Variants in FUCA2 observed in about 807,000 individuals in gnomAD.
FUCA2 encodes alpha-L-fucosidase 2, also known as plasma alpha-L-fucosidase.
A neutral mutation model predicts 52.6 loss-of-function variants in FUCA2; 41 were observed. That is an observed-to-expected ratio of 0.78 (90% CI 0.61 to 1.01). The LOEUF (loss-of-function observed/expected upper bound fraction) is 1.01. Among genes scored for constraint, FUCA2 ranks in the 50% least tolerant of loss-of-function variants. The pLI is 0.00. For synonymous variants in FUCA2, 211 were observed against 217.3 expected (o/e 0.97, Z 0.26); for missense variants, 507 against 569.5 (o/e 0.89, Z 1.12).
In FUCA2 at chr6:143,509,709, A is replaced by C. The variant is rs1361617357; in HGVS notation, c.224+1702T>G. Among the ~76,000 whole-genome samples the C allele has an allele frequency of 2.0e-5, 3 of 152,220 alleles. No homozygotes were observed. Among genetic ancestry groups the C allele is most frequent in the Non-Finnish European group, 4.4e-5 (3 of 68,040 alleles). ...CAAAACATGCAAATAAAGATTTGTA[A>C]CATCTTTTTGAAGTAGCTATGTTTT... On this transcript the variant is annotated intron_variant, in intron 1 of 6. Transcript: ENST00000002165. The surrounding 1 kb of genome is among the most constrained non-coding windows in gnomAD (Gnocchi z 5.4).
intron 2 of FUCA2, chr6:143,506,213 T>G (rs969132618): frequency 9.4e-6 from 1 of 106,882 alleles, no homozygotes. Context: ...TTTTTTTTTT[T>G]GAGACAGGAT....
rs1372758737 is a variant in FUCA2 at position 143,501,831 on chromosome 6, ATTCATCCAATTTCTC to A, written c.1154+86_1154+100del. The stretch of plus-strand genomic sequence containing the variant: ...TGGAAAGTGCTTTGTATATGTAGGA[ATTCATCCAATTTCTC>A]TTTTTATCCTACTCTTCTTTATATG... On this transcript the variant is annotated intron_variant, in intron 5 of 6. Coordinates refer to ENST00000002165, the MANE Select transcript of FUCA2 (RefSeq NM_032020.5). The surrounding 1 kb of genome is among the most constrained non-coding windows in gnomAD (Gnocchi z 6.1). 6 of 1,034,230 alleles carry A rather than the reference ATTCATCCAATTTCTC, an allele frequency of 5.8e-6. No individual in the cohort carries two copies. In the Admixed American group the frequency reaches 1.5e-4, roughly 25 times the overall value. 64.1% of individuals were successfully genotyped at this position (1,034,230 alleles called of 1,614,324 possible).
At chr6:143,508,697 C>G (rs1166655730) in intron 1 of FUCA2, among the ~76,000 whole-genome samples, 1 of 152,182 alleles carries the variant, frequency 6.6e-6, no homozygotes, top group African/African-American at 2.4e-5. Flanking sequence ...GTTATGGTGC[C>G]TGGCTGCCAT....
In FUCA2 at chr6:143,510,849, C is replaced by G. The variant is rs752836622; in HGVS notation, c.224+562G>C. On this transcript the variant is annotated intron_variant, in intron 1 of 6. Coordinates refer to ENST00000002165, the MANE Select transcript of FUCA2 (RefSeq NM_032020.5). The surrounding 1 kb of genome is among the most constrained non-coding windows in gnomAD (Gnocchi z 4.4). ...CACCTTTCATACGGCAGTATGATAA[C>G]TGGGTTGTGTTAAGAGTACCATTCT... is the stretch of plus-strand genomic sequence containing the variant. Among the ~76,000 whole-genome samples, 42 of 152,158 alleles carry G rather than the reference C, an allele frequency of 2.8e-4. No homozygotes were observed. Among genetic ancestry groups the G allele is most frequent in the Non-Finnish European group, 5.3e-4 (36 of 68,016 alleles).
rs1235047563 is a variant in FUCA2 at position 143,497,165 on chromosome 6, T to C, written c.1263+224A>G. 2.1e-6 allele frequency: 1 copy of C among 467,274 alleles called. No individual in the cohort carries two copies. The highest frequency in any genetic ancestry group is 3.5e-5 in the Admixed American group (1 of 28,498). The allele number at this position is 467,274 out of a possible 1,614,324, so 28.9% of individuals were successfully genotyped here. A position where few individuals can be genotyped will look rare whatever the true frequency, so the allele number is the denominator to read the frequency against. Reference sequence around the variant, plus strand: ...TTTTGTAGACAGGGGTCTTGCTATGTTGCCCAGGCTAGTCTCAAACTTCTG... The same window carrying C: ...TTTTGTAGACAGGGGTCTTGCTATGCTGCCCAGGCTAGTCTCAAACTTCTG... On this transcript the variant is annotated intron_variant, in intron 6 of 6. Transcript: ENST00000002165. The surrounding 1 kb of genome is among the most constrained non-coding windows in gnomAD (Gnocchi z 5.3).
rs1780618308 is a variant in FUCA2 at position 143,507,116 on chromosome 6, A to G, written c.412+121T>C. 1.2e-6 allele frequency: 1 copy of G among 833,032 alleles called. No individual in the cohort carries two copies. Among genetic ancestry groups the G allele is most frequent in the African/African-American group, 1.8e-5 (1 of 56,566 alleles). 51.6% of individuals were successfully genotyped at this position (833,032 alleles called of 1,614,324 possible). A position where few individuals can be genotyped will look rare whatever the true frequency, so the allele number is the denominator to read the frequency against. On this transcript the variant is annotated intron_variant, in intron 2 of 6. Transcript: ENST00000002165. The surrounding 1 kb of genome is among the most constrained non-coding windows in gnomAD (Gnocchi z 4.5). The stretch of plus-strand genomic sequence containing the variant: ...AGTCCCTAAGTCATAAGCAAGTGCC[A>G]GTCACCACTTATGGTTGCTCCGAAG...
In FUCA2 at chr6:143,499,532, G is replaced by T. The variant is rs1780504796; in HGVS notation, c.1155-2035C>A. On this transcript the variant is annotated intron_variant, in intron 5 of 6. Coordinates refer to ENST00000002165, the MANE Select transcript of FUCA2 (RefSeq NM_032020.5). This position sits in a 1 kb window ranked among gnomAD's most constrained non-coding sequence, Gnocchi z 6.0. The stretch of plus-strand genomic sequence containing the variant: ...GATCGCACCAGTGCACTCAAAAAAA[G>T]ATAGAGAAGAATGGAAGTCCAAAGA... Among the ~76,000 whole-genome samples, 1 of 152,140 alleles carries T rather than the reference G, an allele frequency of 6.6e-6. No individual in the cohort carries two copies. Among genetic ancestry groups the T allele is most frequent in the Admixed American group, 6.6e-5 (1 of 15,266 alleles).
Position 143,502,524 on chromosome 6 carries a change from G to T in FUCA2, c.794C>A (p.Ala265Asp). Reference protein sequence around the residue: ...GTVVTNDRWGAGSICKHGGFY... With the variant: ...GTVVTNDRWGDGSICKHGGFY... ...GCCACCATGCTTACAGATGCTACCAGCTCCCCAACGATCATTGGTGACTAC... is the reference window on the plus strand; with the variant it reads ...GCCACCATGCTTACAGATGCTACCATCTCCCCAACGATCATTGGTGACTAC... The change falls in exon 4 of 7, where the codon GCT becomes GAT. Residue 265 changes from alanine (A) to aspartate (D), a missense_variant. By Grantham distance (126) the Ala-to-Asp change is moderately radical. Coordinates refer to ENST00000002165, the MANE Select transcript of FUCA2 (RefSeq NM_032020.5). The surrounding 1 kb of genome is among the most constrained non-coding windows in gnomAD (Gnocchi z 4.1). The T allele has an allele frequency of 1.2e-6, 2 of 1,614,094 alleles. No homozygotes were observed. Among genetic ancestry groups the T allele is most frequent in the Non-Finnish European group, 1.7e-6 (2 of 1,179,958 alleles).
At position 143,511,409 on chromosome 6, in the gene FUCA2, A is replaced by C; in HGVS notation, c.224+2T>G. Reference sequence around the variant, plus strand: ...AGACGAGACAAAAGGGAGCGCACTCACCAGAACCACTCGCTACCGAAGCTG... The same window carrying C: ...AGACGAGACAAAAGGGAGCGCACTCCCCAGAACCACTCGCTACCGAAGCTG... On this transcript the variant is annotated splice_donor_variant, in intron 1 of 6. Coordinates refer to ENST00000002165, the MANE Select transcript of FUCA2 (RefSeq NM_032020.5). LOFTEE classifies it high-confidence loss of function. The surrounding 1 kb of genome is among the most constrained non-coding windows in gnomAD (Gnocchi z 6.3). The C allele has an allele frequency of 6.2e-7, 1 of 1,609,670 alleles. No homozygotes were observed. The highest frequency in any genetic ancestry group is 8.5e-7 in the Non-Finnish European group (1 of 1,177,656).
rs1283699003 is a variant in FUCA2, at chr6:143,499,649, G to A, written c.1155-2152C>T. Among the ~76,000 whole-genome samples the A allele has an allele frequency of 6.6e-6, 1 of 152,158 alleles. No individual in the cohort carries two copies. Reference sequence around the variant, plus strand: ...CTAAGAAGGAAGAGCCAAAAGGTACGACAAACACCAGGAGAGACAGTGATA... The same window carrying A: ...CTAAGAAGGAAGAGCCAAAAGGTACAACAAACACCAGGAGAGACAGTGATA... On this transcript the variant is annotated intron_variant, in intron 5 of 6. Coordinates refer to ENST00000002165, the MANE Select transcript of FUCA2 (RefSeq NM_032020.5). The surrounding 1 kb of genome is among the most constrained non-coding windows in gnomAD (Gnocchi z 6.0).
In FUCA2 at chr6:143,495,501, C is replaced by T; in HGVS notation, c.*206G>A. ...ATGGAAACAAATCAATGTGAAGAGACTTTAATGGCAAAGTGCACTGGAGAG... is the reference window on the plus strand; with the variant it reads ...ATGGAAACAAATCAATGTGAAGAGATTTTAATGGCAAAGTGCACTGGAGAG... On this transcript the variant is annotated 3_prime_UTR_variant, in exon 7 of 7. Coordinates refer to ENST00000002165, the MANE Select transcript of FUCA2 (RefSeq NM_032020.5). This position sits in a 1 kb window ranked among gnomAD's most constrained non-coding sequence, Gnocchi z 5.2. The T allele has an allele frequency of 2.1e-6, 1 of 473,666 alleles. No homozygotes were observed. Among genetic ancestry groups the T allele is most frequent in the South Asian group, 5.4e-5 (1 of 18,650 alleles). The allele number at this position is 473,666 out of a possible 1,614,324, so 29.3% of individuals were successfully genotyped here.
At position 143,499,387 on chromosome 6, in the gene FUCA2, C is replaced by T. The variant is rs1780503236; in HGVS notation, c.1155-1890G>A. Among the ~76,000 whole-genome samples the T allele has an allele frequency of 6.6e-6, 1 of 152,164 alleles. No individual in the cohort carries two copies. Among genetic ancestry groups the T allele is most frequent in the African/African-American group, 2.4e-5 (1 of 41,424 alleles). ...GGCCAAACATGGTGAAACCCCATCT[C>T]TACTAAAAATACAAAAAAATTAGCC... On this transcript the variant is annotated intron_variant, in intron 5 of 6. Coordinates refer to ENST00000002165, the MANE Select transcript of FUCA2 (RefSeq NM_032020.5). This position sits in a 1 kb window ranked among gnomAD's most constrained non-coding sequence, Gnocchi z 6.0.
intron 6 of FUCA2, chr6:143,496,239 A>G (rs1320211170): frequency 6.0e-6 from 1 of 165,538 alleles, no homozygotes; most frequent in Admixed American, 6.0e-5. Flanking sequence ...TCAATAATAC[A>G]TAAATTTGAT....
chr6:143,506,520 T>C (rs1780610583), intron 2 of FUCA2: 1 of 152,050 alleles, frequency 6.6e-6, no homozygotes, highest in Non-Finnish European at 1.5e-5. Flanking sequence ...AAGGCAAAGA[T>C]GATCATGCAA....
rs1780433880 is a variant in FUCA2, at chr6:143,494,860, G to C, written c.*847C>G. ...TTTTAAGCTAAGTGTTATTACAAAA[G>C]AGCCAAAAAGGTTTTAAAAATTAAA... is the stretch of plus-strand genomic sequence containing the variant. On this transcript the variant is annotated 3_prime_UTR_variant, in exon 7 of 7. Transcript: ENST00000002165. The surrounding 1 kb of genome is among the most constrained non-coding windows in gnomAD (Gnocchi z 6.6). 6.6e-6 allele frequency: 1 copy of C among 152,158 alleles called. No homozygotes were observed. Among genetic ancestry groups the C allele is most frequent in the South Asian group, 2.1e-4 (1 of 4,828 alleles). The allele number at this position is 152,158 out of a possible 1,614,324, so 9.4% of individuals were successfully genotyped here.
Position 143,509,511 on chromosome 6 carries a change from A to G in FUCA2, c.224+1900T>C, listed in dbSNP as rs190445862. 2.9e-3 allele frequency among the ~76,000 whole-genome samples: 446 copies of G among 152,354 alleles called. 2 individuals carry two copies. The highest frequency in any genetic ancestry group is 0.01 in the African/African-American group (420 of 41,586). The stretch of plus-strand genomic sequence containing the variant: ...ACTAGCTGTTTTATTTTGGCATAGT[A>G]CTAGTCTCAGTCAAAAATGTCAAAT... On this transcript the variant is annotated intron_variant, in intron 1 of 6. Transcript: ENST00000002165. This position sits in a 1 kb window ranked among gnomAD's most constrained non-coding sequence, Gnocchi z 5.4.
At position 143,495,370 on chromosome 6, in the gene FUCA2, A is replaced by G. The variant is rs1046716728; in HGVS notation, c.*337T>C. ...CCCATATTAAGTGATGCATAACTAT[A>G]TAATCATGGGGGATATGGCTTCAAC... On this transcript the variant is annotated 3_prime_UTR_variant, in exon 7 of 7. Coordinates refer to ENST00000002165, the MANE Select transcript of FUCA2 (RefSeq NM_032020.5). The surrounding 1 kb of genome is among the most constrained non-coding windows in gnomAD (Gnocchi z 5.2). 4.8e-6 allele frequency: 1 copy of G among 209,044 alleles called. No homozygotes were observed. Among genetic ancestry groups the G allele is most frequent in the Admixed American group, 5.3e-5 (1 of 18,850 alleles). The allele number at this position is 209,044 out of a possible 1,614,324, so 12.9% of individuals were successfully genotyped here.
Position 143,503,786 on chromosome 6 carries a change from C to A in FUCA2, c.752+127G>T. ...TGATATATCTAATAAGTATTATTTA[C>A]AATGATTTTCTCCCCCCATACCACC... On this transcript the variant is annotated intron_variant, in intron 3 of 6. Transcript: ENST00000002165. This position sits in a 1 kb window ranked among gnomAD's most constrained non-coding sequence, Gnocchi z 4.8. 1 of 681,480 alleles carries A rather than the reference C, an allele frequency of 1.5e-6. No homozygotes were observed. Among genetic ancestry groups the A allele is most frequent in the Admixed American group, 3.0e-5 (1 of 33,720 alleles). The allele number at this position is 681,480 out of a possible 1,614,324, so 42.2% of individuals were successfully genotyped here.
In FUCA2 at chr6:143,502,616, C is replaced by T; in HGVS notation, c.753-51G>A. On this transcript the variant is annotated intron_variant, in intron 3 of 6. Transcript: ENST00000002165. This position sits in a 1 kb window ranked among gnomAD's most constrained non-coding sequence, Gnocchi z 4.1. ...AAACAAAAGGTATAAGCTTTTTATA[C>T]AAAAAGAAATGTCACTGAAAAGACA... 1.4e-6 allele frequency: 2 copies of T among 1,451,452 alleles called. No homozygotes were observed. Among genetic ancestry groups the T allele is most frequent in the Non-Finnish European group, 1.9e-6 (2 of 1,050,564 alleles). 89.9% of individuals were successfully genotyped at this position (1,451,452 alleles called of 1,614,324 possible). A position where few individuals can be genotyped will look rare whatever the true frequency, so the allele number is the denominator to read the frequency against.
Sources: allele counts gnomAD v4.1 joint callset (sites outside exome capture counted in the v4.1 genomes callset), GRCh38; gene constraint gnomAD v4.1.1; non-coding constraint Gnocchi (gnomAD v3.1); transcripts MANE v1.5; gene names NCBI Gene and HGNC (gene_info 2026-07-23, HGNC 2026-07-21).